Variants in AMZ1 observed in about 807,000 individuals in gnomAD.
AMZ1 encodes archaemetzincin-1.
A neutral mutation model predicts 29.9 loss-of-function variants in AMZ1; 39 were observed. The observed-to-expected ratio is 1.30, with a 90% CI of 1.01 to 1.70. AMZ1 has a LOEUF of 1.70. AMZ1 is among the 40% of genes most tolerant of loss of function. The probability of loss-of-function intolerance (pLI) is 0.00; values close to 1 mark genes in which losing one functional copy is unlikely to be tolerated. For missense variants in AMZ1, 1,041 were observed against 680.6 expected, an observed-to-expected ratio of 1.53 and a Z score of -5.89; for synonymous variants, 458 against 304.0, an observed-to-expected ratio of 1.51 and a Z score of -5.27.
At chr7:2,684,142 C>T (rs1225911026), upstream of AMZ1, among the ~76,000 whole-genome samples, 3 of 151,972 alleles carry the variant, frequency 2.0e-5, no homozygotes, top group Non-Finnish European at 4.4e-5. Context: ...CACGCCACTG[C>T]ACTCCAGCCC....
At chr7:2,707,244 T>C (rs1788408015) in intron 3 of AMZ1, among the ~76,000 whole-genome samples, 2 of 150,468 alleles carry the variant, frequency 1.3e-5, no homozygotes, top group South Asian at 4.2e-4. Context: ...GCCACTACAC[T>C]GCAGCCTGGG....
In AMZ1 at chr7:2,715,595, T is replaced by G. The variant is rs1789074182; in HGVS notation, c.*2717T>G. On this transcript the variant is annotated 3_prime_UTR_variant, in exon 7 of 7. Coordinates refer to ENST00000683327, the MANE Select transcript of AMZ1 (RefSeq NM_001384743.1). Reference sequence around the variant, plus strand: ...AAACCACTAAAAAAAACTCCTTTTATCCGCAGCGTTTACCAACTTGCAGAT... The same window carrying G: ...AAACCACTAAAAAAAACTCCTTTTAGCCGCAGCGTTTACCAACTTGCAGAT... The G allele has an allele frequency of 6.6e-6, 1 of 152,226 alleles. No individual in the cohort carries two copies. Among genetic ancestry groups the G allele is most frequent in the South Asian group, 2.1e-4 (1 of 4,832 alleles). The allele number at this position is 152,226 out of a possible 1,614,324, so 9.4% of individuals were successfully genotyped here. A position where few individuals can be genotyped will look rare whatever the true frequency, so the allele number is the denominator to read the frequency against.
At chr7:2,762,946 G>A, upstream of AMZ1, 4 of 1,376,682 alleles carry the variant, frequency 2.9e-6, no homozygotes, top group South Asian at 1.8e-5. Context: ...ACTCCCGTGG[G>A]GCCCGTGCCA....
At position 2,712,477 on chromosome 7, in the gene AMZ1, G is replaced by A; in HGVS notation, c.1096G>A (p.Glu366Lys). The A allele has an allele frequency of 6.2e-7, 1 of 1,610,730 alleles. No homozygotes were observed. Among genetic ancestry groups the A allele is most frequent in the Non-Finnish European group, 8.5e-7 (1 of 1,179,420 alleles). ...CTCGGAGCCCGGCACCAGTGTGTCG[G>A]AGCCCCTCACCCCTGATGCCGGGAG... ...SDSEPGTSVS[E>K]PLTPDAGSHT... Residue 366 changes from glutamate (E) to lysine (K), a missense_variant, in exon 7 of 7, where the codon GAG becomes AAG. By Grantham distance (56) the Glu-to-Lys change is moderately conservative. Transcript: ENST00000683327.
At chr7:2,711,147 T>A (rs1390728623) in intron 6 of AMZ1, among the ~76,000 whole-genome samples, 2 of 152,162 alleles carry the variant, frequency 1.3e-5, no homozygotes, top group Non-Finnish European at 2.9e-5. Flanking sequence ...GAGCACCATC[T>A]CCTGAGGCTG....
chr7:2,709,542 A>G, intron 5 of AMZ1, 98 bp from the exon 6 acceptor site: 1 of 1,499,562 alleles, frequency 6.7e-7, no homozygotes, highest in Non-Finnish European at 8.9e-7. Flanking sequence ...ATCTGGCCTC[A>G]CCCAGGTCCT....
At chr7:2,691,742 A>T (rs1255443857) in intron 1 of AMZ1, among the ~76,000 whole-genome samples, 1 of 151,416 alleles carries the variant, frequency 6.6e-6, no homozygotes, top group Non-Finnish European at 1.5e-5. Context: ...AAAAAAAAAA[A>T]AAAAAATAAG....
At chr7:2,725,888 G>C (rs1490461245) in intron 4 of AMZ1, among the ~76,000 whole-genome samples, 3 of 152,122 alleles carry the variant, frequency 2.0e-5, no homozygotes, top group Non-Finnish European at 2.9e-5. Flanking sequence ...CCCTCCCCTG[G>C]TGCCTCTGTA....
rs767724087 is a variant in AMZ1 at position 2,709,364 on chromosome 7, G to C, written c.771+120G>C. 3.5e-6 allele frequency: 4 copies of C among 1,159,298 alleles called. No homozygotes were observed. The African/African-American group carries it at 6.2e-5, about 18-fold the overall frequency. The allele number at this position is 1,159,298 out of a possible 1,614,324, so 71.8% of individuals were successfully genotyped here. On this transcript the variant is annotated intron_variant, in intron 5 of 6. Coordinates refer to ENST00000683327, the MANE Select transcript of AMZ1 (RefSeq NM_001384743.1). ...GAAGTGGATGGACCCCTAACTCTAT[G>C]GAATGAGGAAAGCAAGGCTACACAG...
At chr7:2,761,519 A>G (rs1791554879), upstream of AMZ1, among the ~76,000 whole-genome samples, 1 of 152,220 alleles carries the variant, frequency 6.6e-6, no homozygotes, top group South Asian at 2.1e-4. Context: ...GGATGACTAA[A>G]AAGAGCTGGA....
chr7:2,762,553 T>C, upstream of AMZ1: 1 of 1,369,696 alleles, frequency 7.3e-7, no homozygotes, highest in Middle Eastern at 1.9e-4. Flanking sequence ...ATTCTGGAGT[T>C]AGATCCAATG....
chr7:2,762,783 A>G, upstream of AMZ1: 3 of 1,542,096 alleles, frequency 1.9e-6, no homozygotes, highest in Non-Finnish European at 2.6e-6. Flanking sequence ...CAGGCTGTAC[A>G]AAAGGGAGGA....
intron 4 of AMZ1, among the ~76,000 whole-genome samples, chr7:2,753,069 G>A (rs1430154742): frequency 6.6e-6 from 1 of 151,982 alleles, no homozygotes; most frequent in African/African-American, 2.4e-5. Flanking sequence ...TCCATCTCTA[G>A]AATGTATAGT....
chr7:2,694,410 C>G (rs958471337), intron 1 of AMZ1, among the ~76,000 whole-genome samples: 4 of 152,184 alleles, frequency 2.6e-5, no homozygotes, highest in Admixed American at 6.5e-5. Context: ...AGGCAGCACA[C>G]TGTAGGACTT....
chr7:2,691,732 A>AAAAAAG (rs1787399618), intron 1 of AMZ1, among the ~76,000 whole-genome samples: 1 of 143,584 alleles, frequency 7.0e-6, no homozygotes, highest in Admixed American at 6.9e-5. Context: ...CTCCGTCTCA[A>AAAAAAG]AAAAAAAAAA....
In AMZ1 at chr7:2,714,520, C is replaced by T. The variant is rs966065557; in HGVS notation, c.*1642C>T. 10 of 151,752 alleles carry T rather than the reference C, an allele frequency of 6.6e-5. No homozygotes were observed. Among genetic ancestry groups the T allele is most frequent in the African/African-American group, 2.4e-4 (10 of 41,208 alleles). 9.4% of individuals were successfully genotyped at this position (151,752 alleles called of 1,614,324 possible). On this transcript the variant is annotated 3_prime_UTR_variant, in exon 7 of 7. Transcript: ENST00000683327. The stretch of plus-strand genomic sequence containing the variant: ...CTGGGAGGGGAGATGAAGAGCTAGG[C>T]CTTTCAGAAAGTGACCAATGGAAGG...
At chr7:2,755,376 T>C (rs1562408289) in intron 4 of AMZ1, among the ~76,000 whole-genome samples, 1 of 152,252 alleles carries the variant, frequency 6.6e-6, no homozygotes, top group Non-Finnish European at 1.5e-5. Context: ...CACTGAGTTT[T>C]CCATGAACAC....
chr7:2,735,422 G>A (rs1217519075), intron 4 of AMZ1, among the ~76,000 whole-genome samples: 1 of 151,880 alleles, frequency 6.6e-6, no homozygotes, highest in Non-Finnish European at 1.5e-5. Context: ...GCCCCAGCCA[G>A]TGCTCTTATC....
chr7:2,736,148 C>T (rs1010151451), intron 4 of AMZ1, among the ~76,000 whole-genome samples: 2 of 152,154 alleles, frequency 1.3e-5, no homozygotes, highest in Non-Finnish European at 2.9e-5. Flanking sequence ...TCAGTCATTT[C>T]TTTAGAGAAA....
Sources: allele counts gnomAD v4.1 joint callset (sites outside exome capture counted in the v4.1 genomes callset), GRCh38; gene constraint gnomAD v4.1.1; transcripts MANE v1.5; gene names NCBI Gene and HGNC (gene_info 2026-07-23, HGNC 2026-07-21).